Variants in NRP2 observed in about 807,000 individuals in gnomAD.
The protein encoded by NRP2 is neuropilin 2.
Under a neutral mutation model 110.4 loss-of-function variants are expected in NRP2, and 52 were observed. That is an observed-to-expected ratio of 0.47 (90% CI 0.38 to 0.59). The LOEUF (loss-of-function observed/expected upper bound fraction) is 0.59. Among genes scored for constraint, NRP2 ranks in the 20% least tolerant of loss-of-function variants. The pLI, the probability that NRP2 is intolerant of heterozygous loss-of-function variation, is 0.00. For missense variants in NRP2, 1,049 were observed against 1,203.0 expected (o/e 0.87, Z 1.89); for synonymous variants, 508 against 468.9 (o/e 1.08, Z -1.08).
At chr2:205,688,762 G>T (rs2056234908) in intron 1 of NRP2, among the ~76,000 whole-genome samples, 1 of 152,072 alleles carries the variant, frequency 6.6e-6, no homozygotes, top group African/African-American at 2.4e-5. Context: ...CTCCTATCCA[G>T]TAGAACAATA....
intron 7 of NRP2, among the ~76,000 whole-genome samples, chr2:205,733,029 G>A (rs761851649): frequency 9.2e-5 from 14 of 152,246 alleles, no homozygotes; most frequent in Admixed American, 2.6e-4. Context: ...GAAGGGGGCT[G>A]ATACCCCTTC....
At chr2:205,715,764 G>A (rs2056882838) in intron 2 of NRP2, among the ~76,000 whole-genome samples, 2 of 152,186 alleles carry the variant, frequency 1.3e-5, no homozygotes, top group East Asian at 3.9e-4. Flanking sequence ...TTGTGGAGTG[G>A]ATATTTTTAT....
intron 1 of NRP2, among the ~76,000 whole-genome samples, chr2:205,687,779 C>T (rs537640612): frequency 3.9e-4 from 59 of 152,204 alleles, no homozygotes; most frequent in Non-Finnish European, 7.3e-4. Context: ...ATCAAGTCCA[C>T]GTTCTGCAGC....
intron 8 of NRP2, 78 bp from the exon 9 acceptor site, chr2:205,743,125 G>A: frequency 6.3e-7 from 1 of 1,599,508 alleles, no homozygotes; most frequent in Non-Finnish European, 8.5e-7. Flanking sequence ...CTCTTTTGCA[G>A]CTCCCTTCTT....
At position 205,796,732 on chromosome 2, in the gene NRP2, T is replaced by C. The variant is rs2058355349; in HGVS notation, c.*1674T>C. The C allele has an allele frequency of 1.3e-5, 2 of 152,720 alleles. No individual in the cohort carries two copies. Among genetic ancestry groups the C allele is most frequent in the Admixed American group, 6.5e-5 (1 of 15,300 alleles). 9.5% of individuals were successfully genotyped at this position (152,720 alleles called of 1,614,324 possible). A position where few individuals can be genotyped will look rare whatever the true frequency, so the allele number is the denominator to read the frequency against. The stretch of plus-strand genomic sequence containing the variant: ...GAATGAAACTGTGTGAAGGATAAGA[T>C]TGTTCGCATCAAGATCCAAATCTTG... On this transcript the variant is annotated 3_prime_UTR_variant, in exon 17 of 17. Transcript: ENST00000357785.
intron 15 of NRP2, among the ~76,000 whole-genome samples, chr2:205,783,640 C>T (rs1404982882): frequency 6.6e-6 from 1 of 152,178 alleles, no homozygotes; most frequent in African/African-American, 2.4e-5. Flanking sequence ...AGGCACTAGG[C>T]AGTGAGGTGG....
chr2:205,709,676 C>A (rs773585183), intron 2 of NRP2, among the ~76,000 whole-genome samples: 32 of 152,290 alleles, frequency 2.1e-4, no homozygotes, highest in Non-Finnish European at 4.3e-4. Context: ...TGTCACAGAC[C>A]TTTTCCCTAG....
intron 1 of NRP2, among the ~76,000 whole-genome samples, 169 bp downstream of exon 1, chr2:205,683,532 C>T (rs1275692675): frequency 6.7e-6 from 1 of 149,028 alleles, no homozygotes; most frequent in African/African-American, 2.5e-5. Flanking sequence ...GCTGCTAAAA[C>T]CCAACTTTCC....
At chr2:205,694,143 C>T (rs569628056) in intron 1 of NRP2, among the ~76,000 whole-genome samples, 43 of 152,232 alleles carry the variant, frequency 2.8e-4, no homozygotes, top group African/African-American at 1.0e-3. Flanking sequence ...TAGGCAGAGG[C>T]AGATGGTACT....
At chr2:205,690,991 C>T (rs545635664) in intron 1 of NRP2, among the ~76,000 whole-genome samples, 67 of 152,146 alleles carry the variant, frequency 4.4e-4, no homozygotes, top group African/African-American at 1.5e-3. Flanking sequence ...GGGAGGGAAG[C>T]GCAGTAGCTG....
At position 205,794,993 on chromosome 2, in the gene NRP2, G is replaced by A. The variant is rs1314551002; in HGVS notation, c.2716G>A (p.Glu906Lys). 12 of 1,614,016 alleles carry A rather than the reference G, an allele frequency of 7.4e-6. No individual in the cohort carries two copies. The highest frequency in any genetic ancestry group is 6.7e-5 in the Admixed American group (4 of 59,998). Residue 906 changes from glutamate (E) to lysine (K), a missense_variant, in exon 17 of 17, where the codon GAG becomes AAG. Coordinates refer to ENST00000357785, the MANE Select transcript of NRP2 (RefSeq NM_003872.3). ...CACCACACTGGAGAACTACAACTTCGAGCTCTACGATGGCCTTAAGCACAA... is the reference window on the plus strand; with the variant it reads ...CACCACACTGGAGAACTACAACTTCAAGCTCTACGATGGCCTTAAGCACAA... ...SCTTLENYNF[E>K]LYDGLKHKVK...
intron 12 of NRP2, among the ~76,000 whole-genome samples, chr2:205,757,197 G>A (rs1370335514): frequency 6.6e-6 from 1 of 152,188 alleles, no homozygotes; most frequent in Non-Finnish European, 1.5e-5. Flanking sequence ...CCTGGTCAAA[G>A]CCTATGGGAT....
At chr2:205,747,577 C>T (rs1201156879) in intron 10 of NRP2, among the ~76,000 whole-genome samples, 13 of 152,208 alleles carry the variant, frequency 8.5e-5, no homozygotes. Flanking sequence ...AAAAGCTGGT[C>T]ATGACCTATT....
intron 15 of NRP2, chr2:205,767,373 C>T (rs1208780759): frequency 2.0e-6 from 1 of 511,582 alleles, no homozygotes; most frequent in African/African-American, 1.9e-5. Context: ...AGGAAAGAGA[C>T]ACAGAAGTGG....
intron 3 of NRP2, among the ~76,000 whole-genome samples, chr2:205,716,716 C>G (rs1237926597): frequency 2.0e-5 from 3 of 152,148 alleles, no homozygotes; most frequent in African/African-American, 7.2e-5. Flanking sequence ...ACTCTGATGA[C>G]TTTCTCACGA....
chr2:205,710,303 C>A (rs1412777419), intron 2 of NRP2, among the ~76,000 whole-genome samples: 1 of 152,196 alleles, frequency 6.6e-6, no homozygotes, highest in African/African-American at 2.4e-5. Flanking sequence ...GACCTTTCCT[C>A]CTCATGTAAC....
At chr2:205,694,695 T>A (rs890572155) in intron 1 of NRP2, among the ~76,000 whole-genome samples, 1 of 152,172 alleles carries the variant, frequency 6.6e-6, no homozygotes, top group Non-Finnish European at 1.5e-5. Flanking sequence ...AATAAAGACC[T>A]ACAAAGTAAT....
At chr2:205,776,681 C>A in intron 15 of NRP2, 2 of 1,535,880 alleles carry the variant, frequency 1.3e-6, no homozygotes, top group Non-Finnish European at 1.7e-6. Context: ...CAATCCCAAC[C>A]ATCCTCCTTG....
At chr2:205,705,405 A>G (rs1033234603) in intron 2 of NRP2, among the ~76,000 whole-genome samples, 7 of 152,244 alleles carry the variant, frequency 4.6e-5, no homozygotes, top group Admixed American at 1.3e-4. Flanking sequence ...GAAGAAGGAA[A>G]AGGAAAAGGA....
Sources: gnomAD v4.1 joint callset for allele counts (sites outside exome capture counted in the v4.1 genomes callset) on GRCh38, gnomAD v4.1.1 for gene constraint, MANE v1.5 for transcripts, NCBI Gene and HGNC (gene_info 2026-07-23, HGNC 2026-07-21) for gene names.